The following DNAJC5B variants were observed in gnomAD, a reference collection of about 807,000 sequenced individuals.
DNAJC5B encodes the protein DnaJ heat shock protein family (Hsp40) member C5 beta, also known as dnaJ homolog subfamily C member 5B.
A neutral mutation model predicts 24.7 loss-of-function variants in DNAJC5B; 23 were observed. That is an observed-to-expected ratio of 0.93 (90% CI 0.67 to 1.32). The LOEUF (loss-of-function observed/expected upper bound fraction) is 1.32, where lower values mean the gene tolerates loss of function less well. DNAJC5B is among the 40% of genes most tolerant of loss of function. The pLI, the probability that DNAJC5B is intolerant of heterozygous loss-of-function variation, is 0.00. For missense variants in DNAJC5B, 238 were observed against 240.8 expected (o/e 0.99, Z 0.08); for synonymous variants, 101 against 90.1 (o/e 1.12, Z -0.68).
intron 1 of DNAJC5B, among the ~76,000 whole-genome samples, chr8:66,041,464 A>G (rs1018744769): frequency 2.0e-5 from 3 of 152,176 alleles, no homozygotes; most frequent in Admixed American, 1.3e-4. Context: ...AAAGAGGTGT[A>G]TAAGGGGTCC....
intron 1 of DNAJC5B, among the ~76,000 whole-genome samples, chr8:66,033,681 C>T (rs904611339): frequency 2.2e-4 from 34 of 151,730 alleles, no homozygotes; most frequent in Non-Finnish European, 4.0e-4. Flanking sequence ...CTCTACCAGC[C>T]GAACACTTCC....
At chr8:66,079,570 G>A (rs759887214) in intron 4 of DNAJC5B, among the ~76,000 whole-genome samples, 37 of 152,210 alleles carry the variant, frequency 2.4e-4, no homozygotes, top group Non-Finnish European at 4.8e-4. Context: ...TCCACAGGGA[G>A]AGCAGAGTTA....
intron 5 of DNAJC5B, among the ~76,000 whole-genome samples, chr8:66,089,146 G>A (rs1284317983): frequency 6.6e-6 from 1 of 152,182 alleles, no homozygotes; most frequent in Non-Finnish European, 1.5e-5. Context: ...CAGTCATGGA[G>A]GAAGGTGAAG....
chr8:66,066,726 G>A (rs1436950194), intron 3 of DNAJC5B, among the ~76,000 whole-genome samples: 2 of 152,046 alleles, frequency 1.3e-5, no homozygotes, highest in Non-Finnish European at 2.9e-5. Context: ...CTCAGAAGGG[G>A]GAGGGTAGAA....
At chr8:66,035,020 G>A (rs929982890) in intron 1 of DNAJC5B, among the ~76,000 whole-genome samples, 25 of 152,106 alleles carry the variant, frequency 1.6e-4, no homozygotes, top group Non-Finnish European at 3.1e-4. Context: ...TTTAGCTATC[G>A]ACATTTTTCA....
chr8:66,069,444 TACTACAGATA>T (rs1807297793), intron 3 of DNAJC5B, among the ~76,000 whole-genome samples: 2 of 152,094 alleles, frequency 1.3e-5, no homozygotes, highest in South Asian at 2.1e-4. Flanking sequence ...CAGAAAGCAT[TACTACAGATA>T]AGGAGCGATA....
At chr8:66,066,083 T>C (rs1247162587) in intron 3 of DNAJC5B, among the ~76,000 whole-genome samples, 6 of 152,202 alleles carry the variant, frequency 3.9e-5, no homozygotes, top group African/African-American at 1.4e-4. Flanking sequence ...TAAATAGACA[T>C]TTCTCAAAAG....
At chr8:66,020,872 A>C (rs1288798665), upstream of DNAJC5B, among the ~76,000 whole-genome samples, 14 of 152,240 alleles carry the variant, frequency 9.2e-5, no homozygotes, top group Admixed American at 2.6e-4. Context: ...TCCTGGGCTC[A>C]AGTGATCCTC....
intron 5 of DNAJC5B, among the ~76,000 whole-genome samples, chr8:66,094,821 T>C (rs941279121): frequency 6.6e-6 from 1 of 152,136 alleles, no homozygotes; most frequent in African/African-American, 2.4e-5. Context: ...TGATCACGGA[T>C]GTAAAATTTT....
intron 3 of DNAJC5B, among the ~76,000 whole-genome samples, chr8:66,053,327 G>A (rs2128960118): frequency 6.6e-6 from 1 of 152,218 alleles, no homozygotes; most frequent in African/African-American, 2.4e-5. Flanking sequence ...CTACCAGGAA[G>A]GACATGGTGA....
At chr8:66,035,806 G>C (rs1190508346) in intron 1 of DNAJC5B, among the ~76,000 whole-genome samples, 1 of 152,180 alleles carries the variant, frequency 6.6e-6, no homozygotes, top group Non-Finnish European at 1.5e-5. Flanking sequence ...GGGCAGGAGG[G>C]CATGGAAGTT....
At chr8:66,087,980 A>G (rs1440504559) in intron 5 of DNAJC5B, among the ~76,000 whole-genome samples, 1 of 152,188 alleles carries the variant, frequency 6.6e-6, no homozygotes, top group African/African-American at 2.4e-5. Flanking sequence ...GTGCCCCAGT[A>G]GGGACTGTGT....
At chr8:66,016,651 A>C (rs553433982), upstream of DNAJC5B, among the ~76,000 whole-genome samples, 2 of 152,346 alleles carry the variant, frequency 1.3e-5, no homozygotes, top group East Asian at 3.9e-4. Flanking sequence ...GTACTACCAC[A>C]ATGAAGATTA....
At chr8:66,029,805 C>T (rs952850275) in intron 1 of DNAJC5B, among the ~76,000 whole-genome samples, 3 of 152,168 alleles carry the variant, frequency 2.0e-5, no homozygotes, top group Non-Finnish European at 4.4e-5. Context: ...AGTATCACTT[C>T]CTGCTGATGC....
intron 1 of DNAJC5B, among the ~76,000 whole-genome samples, chr8:66,028,809 G>A (rs1806300964): frequency 6.6e-6 from 1 of 152,028 alleles, no homozygotes; most frequent in Non-Finnish European, 1.5e-5. Context: ...TGCACTCGTT[G>A]GCCACGCCTT....
chr8:66,066,276 T>G lies in DNAJC5B; in HGVS notation c.120-10384T>G, dbSNP rs182029839. On this transcript the variant is annotated intron_variant, in intron 3 of 5. Transcript: ENST00000276570. ...TGAAAAAGGAATGCTTATACATTAC[T>G]GGTGGGAATGTAAATTAGTACAACC... Among the ~76,000 whole-genome samples, 178 of 152,338 alleles carry G rather than the reference T, an allele frequency of 1.2e-3. 1 individual carries two copies. The highest frequency in any genetic ancestry group is 3.9e-3 in the South Asian group (19 of 4,832).
intron 1 of DNAJC5B, among the ~76,000 whole-genome samples, chr8:66,032,379 G>GA (rs1229510020): frequency 6.6e-6 from 1 of 152,266 alleles, no homozygotes; most frequent in Non-Finnish European, 1.5e-5. Context: ...CTTTGCCTTT[G>GA]AGATGACCCA....
At chr8:66,067,462 A>G (rs1247629133) in intron 3 of DNAJC5B, among the ~76,000 whole-genome samples, 1 of 152,168 alleles carries the variant, frequency 6.6e-6, no homozygotes, top group Non-Finnish European at 1.5e-5. Flanking sequence ...TTTGGTGGTC[A>G]TCAACAACCA....
intron 1 of DNAJC5B, among the ~76,000 whole-genome samples, chr8:66,030,790 C>A (rs529345645): frequency 2.5e-4 from 38 of 152,312 alleles, no homozygotes; most frequent in African/African-American, 9.1e-4. Flanking sequence ...GTGCCCACCA[C>A]CATGCCCTGC....
Sources: gnomAD v4.1 joint callset for allele counts (sites outside exome capture counted in the v4.1 genomes callset) on GRCh38, gnomAD v4.1.1 for gene constraint, MANE v1.5 for transcripts, NCBI Gene and HGNC (gene_info 2026-07-23, HGNC 2026-07-21) for gene names.